The following NIPAL2 variants were observed in gnomAD, a reference collection of about 807,000 sequenced individuals.
NIPAL2 encodes the protein NIPA like domain containing 2, also known as NIPA-like protein 2.
NIPAL2 carries 43 observed loss-of-function variants against 48.9 expected under a neutral mutation model. That is an observed-to-expected ratio of 0.88 (90% confidence interval 0.69 to 1.13). The LOEUF (loss-of-function observed/expected upper bound fraction) is 1.13. Ranked by LOEUF, NIPAL2 falls within the 50% of genes most tolerant of loss-of-function variation. The pLI is 0.00. For missense variants in NIPAL2, 446 were observed against 461.4 expected (o/e 0.97, Z 0.31); for synonymous variants, 167 against 174.6 (o/e 0.96, Z 0.34).
At chr8:98,203,626 C>A (rs1392722164) in intron 7 of NIPAL2, among the ~76,000 whole-genome samples, 1 of 152,190 alleles carries the variant, frequency 6.6e-6, no homozygotes, top group Non-Finnish European at 1.5e-5. Flanking sequence ...GTTTCAAAAA[C>A]AATGCTCAGT....
At chr8:98,241,098 C>T (rs376456192) in intron 3 of NIPAL2, among the ~76,000 whole-genome samples, 13 of 152,184 alleles carry the variant, frequency 8.5e-5, no homozygotes, top group Non-Finnish European at 1.5e-5. Flanking sequence ...GGAAAAGAGA[C>T]AGGTCCTCTG....
At chr8:98,235,461 TG>T (rs1285882616) in intron 4 of NIPAL2, among the ~76,000 whole-genome samples, 1 of 152,220 alleles carries the variant, frequency 6.6e-6, no homozygotes, top group Non-Finnish European at 1.5e-5. Context: ...GTGCTACTTT[TG>T]GGAAAAGCCA....
chr8:98,220,868 C>T (rs2514320), intron 5 of NIPAL2, among the ~76,000 whole-genome samples: 11,036 of 151,304 alleles, frequency 0.073, 479 homozygotes, highest in Middle Eastern at 0.14. Context: ...TCAGCCCTTT[C>T]GATCATATTC....
chr8:98,243,869 T>C (rs1247031228), intron 3 of NIPAL2, among the ~76,000 whole-genome samples: 2 of 152,228 alleles, frequency 1.3e-5, no homozygotes, highest in Non-Finnish European at 2.9e-5. Flanking sequence ...TGTGTGCTTT[T>C]TATTTAAACT....
intron 1 of NIPAL2, among the ~76,000 whole-genome samples, chr8:98,262,278 G>T (rs963718627): frequency 5.4e-5 from 8 of 147,874 alleles, no homozygotes; most frequent in African/African-American, 2.0e-4. Flanking sequence ...ACACATAACA[G>T]TATTAACTTT....
intron 6 of NIPAL2, among the ~76,000 whole-genome samples, chr8:98,205,776 G>C (rs1238102761): frequency 1.3e-5 from 2 of 152,162 alleles, no homozygotes; most frequent in Non-Finnish European, 2.9e-5. Context: ...CAAGTGAGTT[G>C]TACTAAGTCT....
At chr8:98,248,738 C>T (rs762721563) in intron 3 of NIPAL2, among the ~76,000 whole-genome samples, 1 of 152,214 alleles carries the variant, frequency 6.6e-6, no homozygotes, top group Non-Finnish European at 1.5e-5. Flanking sequence ...CACTAATCCA[C>T]ATCTAGAATT....
At chr8:98,195,796 G>C in intron 9 of NIPAL2, 146 bp downstream of exon 9, 1 of 577,326 alleles carries the variant, frequency 1.7e-6, no homozygotes, top group South Asian at 1.9e-5. Flanking sequence ...AGGGCCTTAA[G>C]TTAAAAAATA....
Position 98,291,530 on chromosome 8 carries a change from A to AT in NIPAL2, c.135+2472dup, listed in dbSNP as rs200555921. On this transcript the variant is annotated intron_variant, in intron 1 of 10. Transcript: ENST00000430223. ...TTACAACATACTGCCTTGTTTTGGCATTACCTACATAGCTCATTTTCCCAA... is the reference window on the plus strand; with the variant it reads ...TTACAACATACTGCCTTGTTTTGGCATTTACCTACATAGCTCATTTTCCCAA... Among the ~76,000 whole-genome samples the AT allele has an allele frequency of 5.4e-3, 823 of 152,346 alleles. 7 individuals are homozygous for AT. The highest frequency in any genetic ancestry group is 7.3e-3 in the Non-Finnish European group (496 of 68,030).
intron 4 of NIPAL2, among the ~76,000 whole-genome samples, chr8:98,228,577 C>T (rs376939574): frequency 6.6e-6 from 1 of 152,298 alleles, no homozygotes. Context: ...GAACTTGGCT[C>T]TGCAAGAGGC....
At chr8:98,256,168 C>A (rs890183268) in intron 1 of NIPAL2, among the ~76,000 whole-genome samples, 1 of 152,004 alleles carries the variant, frequency 6.6e-6, no homozygotes. Flanking sequence ...GAACCACAGG[C>A]GTGCACCACC....
At chr8:98,257,112 G>A (rs919027489) in intron 1 of NIPAL2, among the ~76,000 whole-genome samples, 4 of 152,048 alleles carry the variant, frequency 2.6e-5, no homozygotes, top group African/African-American at 2.4e-5. Context: ...ACTAATTTAG[G>A]CCATGATGGG....
intron 1 of NIPAL2, among the ~76,000 whole-genome samples, chr8:98,254,998 T>C (rs1168698016): frequency 6.6e-6 from 1 of 152,230 alleles, no homozygotes; most frequent in East Asian, 1.9e-4. Flanking sequence ...TACTCTTTTA[T>C]ATTATCATGT....
intron 1 of NIPAL2, among the ~76,000 whole-genome samples, chr8:98,274,283 A>G (rs1264689661): frequency 1.3e-5 from 2 of 151,924 alleles, no homozygotes; most frequent in Non-Finnish European, 2.9e-5. Flanking sequence ...CTATCTATCT[A>G]TCTATCCATC....
At chr8:98,213,245 G>A (rs1244137293) in intron 5 of NIPAL2, among the ~76,000 whole-genome samples, 2 of 152,072 alleles carry the variant, frequency 1.3e-5, no homozygotes, top group African/African-American at 4.8e-5. Context: ...CGGAAAATCT[G>A]TGTTTATCAT....
chr8:98,224,243 C>T (rs1406486855), intron 4 of NIPAL2, among the ~76,000 whole-genome samples: 1 of 152,192 alleles, frequency 6.6e-6, no homozygotes. Flanking sequence ...TGGTGGTTCA[C>T]TAGTTTTCCT....
chr8:98,266,784 A>T (rs1298864120), intron 1 of NIPAL2, among the ~76,000 whole-genome samples: 2 of 152,156 alleles, frequency 1.3e-5, no homozygotes, highest in Non-Finnish European at 2.9e-5. Flanking sequence ...GCTAAAAAAA[A>T]AATAAAGAAA....
intron 1 of NIPAL2, among the ~76,000 whole-genome samples, chr8:98,270,790 G>A (rs1172230899): frequency 1.3e-5 from 2 of 152,072 alleles, no homozygotes; most frequent in Non-Finnish European, 2.9e-5. Flanking sequence ...TTCCAGAAGG[G>A]TATTTCCTAG....
At chr8:98,211,711 T>TGA (rs35032754) in intron 6 of NIPAL2, among the ~76,000 whole-genome samples, 1,883 of 126,738 alleles carry the variant, frequency 0.015, 83 homozygotes, top group African/African-American at 0.049. Context: ...TATATATGAG[T>TGA]GAGAGAGAGA....
Sources: allele counts gnomAD v4.1 joint callset (sites outside exome capture counted in the v4.1 genomes callset), GRCh38; gene constraint gnomAD v4.1.1; transcripts MANE v1.5; gene names NCBI Gene and HGNC (gene_info 2026-07-23, HGNC 2026-07-21).